The following CUL1 variants were observed in gnomAD, a reference collection of about 807,000 sequenced individuals.
CUL1 encodes the protein cullin-1.
CUL1 carries 24 observed loss-of-function variants against 118.0 expected under a neutral mutation model. The observed-to-expected ratio is 0.20, with a 90% CI of 0.15 to 0.29. The LOEUF is 0.29. Among genes scored for constraint, CUL1 ranks in the 10% least tolerant of loss-of-function variants. The pLI, the probability that CUL1 is intolerant of heterozygous loss-of-function variation, is 1.00. For missense variants in CUL1, 361 were observed against 933.8 expected, an observed-to-expected ratio of 0.39 and a Z score of 7.99; for synonymous variants, 332 against 340.4, an observed-to-expected ratio of 0.98 and a Z score of 0.27.
At chr7:148,737,021 A>G (rs562441970) in intron 2 of CUL1, among the ~76,000 whole-genome samples, 3 of 152,322 alleles carry the variant, frequency 2.0e-5, no homozygotes, top group East Asian at 3.9e-4. Context: ...TTAAAAGTGC[A>G]GTTTATTAGT....
At chr7:148,792,153 T>G (rs985075865) in intron 16 of CUL1, among the ~76,000 whole-genome samples, 1 of 150,854 alleles carries the variant, frequency 6.6e-6, no homozygotes, top group Non-Finnish European at 1.5e-5. Flanking sequence ...GCCACTGCAC[T>G]CCAGCCTGGG....
At chr7:148,786,216 G>A (rs2129462807) in intron 11 of CUL1, among the ~76,000 whole-genome samples, 1 of 152,290 alleles carries the variant, frequency 6.6e-6, no homozygotes, top group South Asian at 2.1e-4. Context: ...AGACTAGAAA[G>A]CAATTGGTAA....
chr7:148,755,936 A>T (rs1799640479), intron 3 of CUL1, among the ~76,000 whole-genome samples: 1 of 152,210 alleles, frequency 6.6e-6, no homozygotes, highest in Admixed American at 6.5e-5. Flanking sequence ...GGCTCGCCCC[A>T]GCCCTTCCTG....
intron 19 of CUL1, 141 bp downstream of exon 19, chr7:148,798,160 G>A (rs1237781732): frequency 5.2e-6 from 3 of 573,802 alleles, no homozygotes; most frequent in South Asian, 2.5e-5. Flanking sequence ...GGGAGTGTGA[G>A]GTAGGCCTTT....
intron 2 of CUL1, among the ~76,000 whole-genome samples, chr7:148,732,839 G>A (rs1325350631): frequency 1.3e-5 from 2 of 151,980 alleles, no homozygotes; most frequent in East Asian, 3.9e-4. Context: ...CTCTCAAATT[G>A]GGTAGTTTTT....
intron 2 of CUL1, among the ~76,000 whole-genome samples, chr7:148,743,404 A>G (rs1435598427): frequency 6.6e-6 from 1 of 152,186 alleles, no homozygotes; most frequent in Non-Finnish European, 1.5e-5. Context: ...GGAGGCTACA[A>G]ATCAGGGCTT....
chr7:148,785,515 C>G (rs1337636814), intron 11 of CUL1, among the ~76,000 whole-genome samples: 1 of 151,542 alleles, frequency 6.6e-6, no homozygotes, highest in Non-Finnish European at 1.5e-5. Context: ...TGCCACCACA[C>G]CCGGCTAATT....
intron 2 of CUL1, among the ~76,000 whole-genome samples, chr7:148,742,688 G>C (rs1180936111): frequency 7.1e-6 from 1 of 141,362 alleles, no homozygotes; most frequent in Non-Finnish European, 1.5e-5. Flanking sequence ...TGCAGTCTCT[G>C]CCTCCCGGGT....
At chr7:148,767,372 AAGGGGG>A (rs1800041356) in intron 8 of CUL1, among the ~76,000 whole-genome samples, 1 of 151,552 alleles carries the variant, frequency 6.6e-6, no homozygotes, top group African/African-American at 2.4e-5. Flanking sequence ...TTCTCACAGT[AAGGGGG>A]AAAATAAATT....
At chr7:148,759,061 T>C (rs967459677) in intron 4 of CUL1, among the ~76,000 whole-genome samples, 6 of 152,212 alleles carry the variant, frequency 3.9e-5, no homozygotes, top group Admixed American at 3.9e-4. Flanking sequence ...CTATACTGTT[T>C]CCAACAACAG....
intron 1 of CUL1, among the ~76,000 whole-genome samples, chr7:148,705,288 C>T (rs781749140): frequency 4.6e-5 from 7 of 152,024 alleles, no homozygotes; most frequent in Non-Finnish European, 8.8e-5. Flanking sequence ...GTTCACAACT[C>T]CTAGTGATAG....
intron 17 of CUL1, among the ~76,000 whole-genome samples, chr7:148,797,342 C>T (rs1801234626): frequency 6.9e-6 from 1 of 145,196 alleles, no homozygotes; most frequent in Non-Finnish European, 1.5e-5. Flanking sequence ...TCCAAAAATC[C>T]AGATTCCAGA....
rs143979983 is a variant in CUL1 at position 148,793,972 on chromosome 7, T to C, written c.1899+1154T>C. On this transcript the variant is annotated intron_variant, in intron 17 of 21. Coordinates refer to ENST00000325222, the MANE Select transcript of CUL1 (RefSeq NM_003592.3). ...GGATGTGAAGTAGTATCTTGCAGTT[T>C]TTGACTTGCATTTCTCTAACAACTA... Among the ~76,000 whole-genome samples the C allele has an allele frequency of 5.2e-3, 789 of 152,332 alleles. 2 individuals are homozygous for C. The highest frequency in any genetic ancestry group is 0.018 in the African/African-American group (741 of 41,578).
intron 4 of CUL1, among the ~76,000 whole-genome samples, chr7:148,757,953 C>T (rs1799711246): frequency 6.6e-6 from 1 of 152,230 alleles, no homozygotes; most frequent in African/African-American, 2.4e-5. Flanking sequence ...CCTCCCGCAA[C>T]ATGTGGGAAT....
At chr7:148,721,050 A>T (rs1798380906) in intron 1 of CUL1, among the ~76,000 whole-genome samples, 1 of 152,206 alleles carries the variant, frequency 6.6e-6, no homozygotes, top group African/African-American at 2.4e-5. Context: ...ACTTAAAGGG[A>T]ATTTAATAAT....
At chr7:148,714,157 T>C (rs1273378105) in intron 1 of CUL1, among the ~76,000 whole-genome samples, 1 of 152,254 alleles carries the variant, frequency 6.6e-6, no homozygotes, top group East Asian at 1.9e-4. Flanking sequence ...TTTTGGTGTT[T>C]AATTCCCACT....
intron 1 of CUL1, among the ~76,000 whole-genome samples, chr7:148,714,819 G>A (rs2129459111): frequency 6.6e-6 from 1 of 152,304 alleles, no homozygotes; most frequent in Middle Eastern, 3.4e-3. Context: ...TGAGAGACAT[G>A]CACAGAAGTT....
At position 148,800,322 on chromosome 7, in the gene CUL1, T is replaced by C. The variant is rs183025246; in HGVS notation, c.2251-180T>C. ...AGCAAGTGTCAGGGAGCTCCGTGCA[T>C]GAAGGCTTAGCTGCCAGGAAGTAAA... On this transcript the variant is annotated intron_variant, in intron 21 of 21. Transcript: ENST00000325222. This position sits in a 1 kb window ranked among gnomAD's most constrained non-coding sequence, Gnocchi z 4.6. Among the ~76,000 whole-genome samples the C allele has an allele frequency of 1.3e-5, 2 of 152,306 alleles. No individual in the cohort carries two copies. The highest frequency in any genetic ancestry group is 2.9e-5 in the Non-Finnish European group (2 of 68,026).
chr7:148,732,489 G>A (rs1392900241), intron 2 of CUL1, among the ~76,000 whole-genome samples: 2 of 151,052 alleles, frequency 1.3e-5, no homozygotes, highest in South Asian at 4.2e-4. Context: ...CCACAGGCAC[G>A]CACCATCATG....
Sources: gnomAD v4.1 joint callset for allele counts (sites outside exome capture counted in the v4.1 genomes callset) on GRCh38, gnomAD v4.1.1 for gene constraint, Gnocchi (gnomAD v3.1) non-coding constraint, MANE v1.5 for transcripts, NCBI Gene and HGNC (gene_info 2026-07-23, HGNC 2026-07-21) for gene names.